Variants in RMND5B observed in about 807,000 individuals in gnomAD.
The protein encoded by RMND5B is E3 ubiquitin-protein transferase RMND5B.
Under a neutral mutation model 50.4 loss-of-function variants are expected in RMND5B, and 42 were observed. The observed-to-expected ratio is 0.83, with a 90% CI of 0.65 to 1.08. The LOEUF (loss-of-function observed/expected upper bound fraction) is 1.08. Ranked by LOEUF, RMND5B falls within the 50% of genes least tolerant of loss-of-function variation. The probability of loss-of-function intolerance (pLI) is 0.00; values close to 1 mark genes in which losing one functional copy is unlikely to be tolerated. For missense variants in RMND5B, 463 were observed against 508.5 expected, an observed-to-expected ratio of 0.91 and a Z score of 0.86; for synonymous variants, 220 against 210.0, an observed-to-expected ratio of 1.05 and a Z score of -0.41.
Position 178,148,374 on chromosome 5 carries a change from G to A in RMND5B, c.*342G>A. ...AGACATCCTTCCACCCCTGCCCTCAGCCAAGTCTCTTGCTGCCATGCCAAT... is the reference window on the plus strand; with the variant it reads ...AGACATCCTTCCACCCCTGCCCTCAACCAAGTCTCTTGCTGCCATGCCAAT... On this transcript the variant is annotated 3_prime_UTR_variant, in exon 11 of 11. Transcript: ENST00000313386. The A allele has an allele frequency of 2.7e-6, 1 of 376,334 alleles. No homozygotes were observed. Among genetic ancestry groups the A allele is most frequent in the Admixed American group, 4.1e-5 (1 of 24,688 alleles). The allele number at this position is 376,334 out of a possible 1,614,324, so 23.3% of individuals were successfully genotyped here.
rs1169787890 is a variant in RMND5B at position 178,138,055 on chromosome 5, C to T, written c.-12-53C>T. 1 of 1,516,378 alleles carries T rather than the reference C, an allele frequency of 6.6e-7. No homozygotes were observed. Among genetic ancestry groups the T allele is most frequent in the Non-Finnish European group, 8.9e-7 (1 of 1,126,940 alleles). 93.9% of individuals were successfully genotyped at this position (1,516,378 alleles called of 1,614,324 possible). On this transcript the variant is annotated intron_variant, in intron 2 of 10. Coordinates refer to ENST00000313386, the MANE Select transcript of RMND5B (RefSeq NM_022762.5). This position sits in a 1 kb window ranked among gnomAD's most constrained non-coding sequence, Gnocchi z 5.1. ...CTGAAGAGGTGGTCTGGGCACCCTG[C>T]CTGCCATGCCACCGTGGCCCAGATG...
chr5:178,147,570 A>G lies in RMND5B; in HGVS notation c.898A>G (p.Asn300Asp). The change falls in exon 9 of 11, where the codon AAC becomes GAC. Residue 300 changes from asparagine to aspartate, a missense_variant. Coordinates refer to ENST00000313386, the MANE Select transcript of RMND5B (RefSeq NM_022762.5). ...SGCVALPVLM[N>D]IKAVIEQRQC... ...CTGTGTGGCGCTGCCTGTGTTGATGAACATCAAGGCTGTGATTGAGCAGCG... is the reference window on the plus strand; with the variant it reads ...CTGTGTGGCGCTGCCTGTGTTGATGGACATCAAGGCTGTGATTGAGCAGCG... 6.2e-7 allele frequency: 1 copy of G among 1,614,062 alleles called. No homozygotes were observed. The highest frequency in any genetic ancestry group is 8.5e-7 in the Non-Finnish European group (1 of 1,180,000).
chr5:178,138,094 C>A lies in RMND5B; in HGVS notation c.-12-14C>A. ...GTGGCCCAGATGGGGCCTGACCCAGCTGACCCTCCCCAGGCTGAGGCCACC... is the reference window on the plus strand; with the variant it reads ...GTGGCCCAGATGGGGCCTGACCCAGATGACCCTCCCCAGGCTGAGGCCACC... On this transcript the variant is annotated splice_polypyrimidine_tract_variant and intron_variant, in intron 2 of 10. Coordinates refer to ENST00000313386, the MANE Select transcript of RMND5B (RefSeq NM_022762.5). The surrounding 1 kb of genome is among the most constrained non-coding windows in gnomAD (Gnocchi z 5.1). 6.4e-7 allele frequency: 1 copy of A among 1,565,344 alleles called. No individual in the cohort carries two copies. The highest frequency in any genetic ancestry group is 8.7e-7 in the Non-Finnish European group (1 of 1,155,606).
chr5:178,138,522 TG>T lies in RMND5B; in HGVS notation c.139+265del. ...TTAACTTTTTTTCATTTTATAATTGTGTGTGTGTGTGTGTGTGTGTGTGTGT... is the reference window on the plus strand; with the variant it reads ...TTAACTTTTTTTCATTTTATAATTGTTGTGTGTGTGTGTGTGTGTGTGTGT... On this transcript the variant is annotated intron_variant, in intron 3 of 10. Coordinates refer to ENST00000313386, the MANE Select transcript of RMND5B (RefSeq NM_022762.5). This position sits in a 1 kb window ranked among gnomAD's most constrained non-coding sequence, Gnocchi z 5.1. 1.3e-5 allele frequency: 6 copies of T among 474,488 alleles called. No individual in the cohort carries two copies. In the South Asian group the frequency reaches 1.5e-4, roughly 12 times the overall value. 29.4% of individuals were successfully genotyped at this position (474,488 alleles called of 1,614,324 possible).
intron 8 of RMND5B, 133 bp downstream of exon 8, chr5:178,146,412 T>G: frequency 1.3e-6 from 1 of 792,228 alleles, no homozygotes; most frequent in East Asian, 2.7e-5. Context: ...TTAGTCATTC[T>G]TCAGGAGAGG....
intron 2 of RMND5B, chr5:178,133,511 A>G (rs889554561): frequency 1.8e-4 from 28 of 151,900 alleles, no homozygotes; most frequent in African/African-American, 6.3e-4. Flanking sequence ...GGTTCAAGCG[A>G]TTGTCCTGCC....
intron 2 of RMND5B, chr5:178,135,306 T>C (rs1484784121): frequency 4.8e-6 from 1 of 208,704 alleles, no homozygotes; most frequent in Non-Finnish European, 1.1e-5. Context: ...TGTGCCACCA[T>C]GCCCAGGTAA....
rs753875679 is a variant in RMND5B, at chr5:178,147,966, C to A, written c.1119-3C>A. The A allele has an allele frequency of 3.1e-6, 5 of 1,614,184 alleles. No homozygotes were observed. In the East Asian group the frequency reaches 1.1e-4, roughly 36 times the overall value. On this transcript the variant is annotated splice_polypyrimidine_tract_variant and splice_region_variant and intron_variant, in intron 10 of 10. Transcript: ENST00000313386. ...GACGTTCTCGGTTCTCCTCCCTTTG[C>A]AGGCTGAAGTGTCCCTACTGTCCCA...
rs1758379806 is a variant in RMND5B, at chr5:178,132,673, G to A, written c.-13+1297G>A. Among the ~76,000 whole-genome samples the A allele has an allele frequency of 2.0e-5, 3 of 151,058 alleles. No individual in the cohort carries two copies. The Admixed American group carries it at 2.0e-4, about 10-fold the overall frequency. On this transcript the variant is annotated intron_variant, in intron 2 of 10. Coordinates refer to ENST00000313386, the MANE Select transcript of RMND5B (RefSeq NM_022762.5). ...CACTTGAGCCCAGGAGGTCGAGGCT[G>A]CAGTGAGCCCTGATTGTACCACAGC...
chr5:178,142,644 G>C lies in RMND5B; in HGVS notation c.201G>C (p.Lys67Asn). ...TGGTGATGTCACAGTGCTGCCGGAA[G>C]ATCAAAGATACGGTGCAGAAACTGG... ...LSLVMSQCCRKIKDTVQKLAS... is the reference protein window; with the variant it reads ...LSLVMSQCCRNIKDTVQKLAS... The change falls in exon 4 of 11, where the codon AAG becomes AAC. Residue 67 changes from lysine to asparagine, a missense_variant. Transcript: ENST00000313386. 6.2e-7 allele frequency: 1 copy of C among 1,614,234 alleles called. No homozygotes were observed. Among genetic ancestry groups the C allele is most frequent in the Non-Finnish European group, 8.5e-7 (1 of 1,180,034 alleles).
chr5:178,131,710 G>T (rs974613626), intron 2 of RMND5B, among the ~76,000 whole-genome samples: 1 of 152,160 alleles, frequency 6.6e-6, no homozygotes, highest in Admixed American at 6.5e-5. Context: ...ACCCAAATTA[G>T]GAGGCAGGCT....
chr5:178,140,326 A>G (rs1581119335), intron 3 of RMND5B, among the ~76,000 whole-genome samples: 1 of 147,048 alleles, frequency 6.8e-6, no homozygotes, highest in Non-Finnish European at 1.5e-5. Context: ...GCAGTACACT[A>G]CCAGGCCCTG....
intron 3 of RMND5B, chr5:178,142,267 A>C (rs1261891054): frequency 3.2e-6 from 1 of 311,872 alleles, no homozygotes; most frequent in African/African-American, 2.1e-5. Flanking sequence ...AATCCTATGC[A>C]TGCTGTAGTC....
rs1756226136 is a variant in RMND5B at position 178,150,035 on chromosome 5, G to A, written c.*2003G>A. 5.6e-6 allele frequency: 3 copies of A among 535,040 alleles called. No individual in the cohort carries two copies. Among genetic ancestry groups the A allele is most frequent in the Non-Finnish European group, 9.9e-6 (3 of 302,966 alleles). 33.1% of individuals were successfully genotyped at this position (535,040 alleles called of 1,614,324 possible). A position where few individuals can be genotyped will look rare whatever the true frequency, so the allele number is the denominator to read the frequency against. On this transcript the variant is annotated 3_prime_UTR_variant, in exon 11 of 11. Transcript: ENST00000313386. ...TTTGAAGGCATGGTCCAGCCACACA[G>A]GGCCTACATTCCCACATGGCAACTA...
rs1399539061 is a variant in RMND5B at position 178,138,129 on chromosome 5, T to C, written c.10T>C (p.Cys4Arg). The change falls in exon 3 of 11, where the codon TGT (cysteine) becomes CGT (arginine). Residue 4 changes from cysteine to arginine, a missense_variant. Physicochemically the swap from Cys to Arg is radical, Grantham distance 180 (BLOSUM62 -3). Transcript: ENST00000313386. The surrounding 1 kb of genome is among the most constrained non-coding windows in gnomAD (Gnocchi z 5.1). MEQ[C>R]ACVERELDKV... ...CCAGGCTGAGGCCACCATGGAGCAGTGTGCGTGCGTGGAGAGAGAGCTGGA... is the reference window on the plus strand; with the variant it reads ...CCAGGCTGAGGCCACCATGGAGCAGCGTGCGTGCGTGGAGAGAGAGCTGGA... The C allele has an allele frequency of 3.8e-6, 6 of 1,599,408 alleles. No individual in the cohort carries two copies. The South Asian group carries it at 5.6e-5, about 15-fold the overall frequency.
At chr5:178,145,875 C>G (rs1333800855) in intron 7 of RMND5B, 5 of 488,776 alleles carry the variant, frequency 1.0e-5, no homozygotes, top group Non-Finnish European at 1.8e-5. Context: ...GTCCTCATTC[C>G]TGATTCTGTG....
Position 178,148,296 on chromosome 5 carries a change from C to T in RMND5B, c.*264C>T, listed in dbSNP as rs1314316603. On this transcript the variant is annotated 3_prime_UTR_variant, in exon 11 of 11. Coordinates refer to ENST00000313386, the MANE Select transcript of RMND5B (RefSeq NM_022762.5). The stretch of plus-strand genomic sequence containing the variant: ...TGCTGTCTTTTCCTGTTTCTGTTTG[C>T]GTTTGACTTAGTAGCAACCGACAGA... 2.0e-5 allele frequency: 11 copies of T among 542,412 alleles called. No homozygotes were observed. The highest frequency in any genetic ancestry group is 3.2e-5 in the East Asian group (1 of 31,376). 33.6% of individuals were successfully genotyped at this position (542,412 alleles called of 1,614,324 possible). A position where few individuals can be genotyped will look rare whatever the true frequency, so the allele number is the denominator to read the frequency against.
intron 3 of RMND5B, 164 bp from the exon 4 acceptor site, chr5:178,142,419 G>A: frequency 1.3e-6 from 1 of 796,262 alleles, no homozygotes; most frequent in Non-Finnish European, 2.0e-6. Flanking sequence ...AAGTCAGACA[G>A]TTAAAAAGTG....
chr5:178,143,905 C>G, intron 6 of RMND5B, 37 bp from the exon 7 acceptor site: 15 of 1,586,088 alleles, frequency 9.5e-6, no homozygotes, highest in Non-Finnish European at 1.3e-5. Flanking sequence ...TCCTAGCCCC[C>G]ACCAGCTCTA....
Sources: gnomAD v4.1 joint callset for allele counts (sites outside exome capture counted in the v4.1 genomes callset) on GRCh38, gnomAD v4.1.1 for gene constraint, Gnocchi (gnomAD v3.1) non-coding constraint, MANE v1.5 for transcripts, NCBI Gene and HGNC (gene_info 2026-07-23, HGNC 2026-07-21) for gene names.